The following CACNA1D variants were observed in gnomAD, a reference collection of about 807,000 sequenced individuals.
CACNA1D encodes voltage-dependent L-type calcium channel subunit alpha-1D.
Under a neutral mutation model 257.1 loss-of-function variants are expected in CACNA1D, and 55 were observed. The observed-to-expected ratio is 0.21, with a 90% CI of 0.17 to 0.27. CACNA1D has a LOEUF of 0.27. Ranked by LOEUF, CACNA1D falls within the 10% of genes least tolerant of loss-of-function variation. The pLI is 1.00. For missense variants in CACNA1D, 1,876 were observed against 2,784.0 expected (o/e 0.67, Z 7.34); for synonymous variants, 980 against 1,014.9 (o/e 0.97, Z 0.65).
At chr3:53,704,554 C>T (rs2094665457) in intron 9 of CACNA1D, among the ~76,000 whole-genome samples, 1 of 152,224 alleles carries the variant, frequency 6.6e-6, no homozygotes, top group South Asian at 2.1e-4. Flanking sequence ...GTCCTCTGCA[C>T]AGCTCTCCCC....
chr3:53,566,471 C>G (rs1483021588), intron 3 of CACNA1D, among the ~76,000 whole-genome samples: 1 of 152,156 alleles, frequency 6.6e-6, no homozygotes, highest in Non-Finnish European at 1.5e-5. Context: ...ATAATAGCAC[C>G]CACATTCATC....
chr3:53,744,258 C>A (rs984465251), intron 22 of CACNA1D, among the ~76,000 whole-genome samples: 2 of 150,014 alleles, frequency 1.3e-5, no homozygotes, highest in African/African-American at 4.9e-5. Flanking sequence ...AGGTTGTGCT[C>A]CCCTGGCTGA....
Position 53,810,156 on chromosome 3 carries a change from C to T in CACNA1D, c.6050C>T (p.Pro2017Leu), listed in dbSNP as rs876657749. The change falls in exon 47 of 48, where the codon CCG (proline) becomes CTG (leucine). Residue 2017 changes from proline to leucine, a missense_variant. Pro to Leu is a moderately conservative substitution (Grantham distance 98, BLOSUM62 -3). Around this residue, in one of 10 missense-constraint regions of CACNA1D, gnomAD observed 491 missense variants for 554.3 expected, o/e 0.89. Transcript: ENST00000350061. The stretch of plus-strand genomic sequence containing the variant: ...CTGGACCAGGTGAACGGCAGCCTGC[C>T]GTCCCTGCACCGCAGCTCCTGGTAC... ...EALDQVNGSL[P>L]SLHRSSWYTD... 2.5e-6 allele frequency: 4 copies of T among 1,613,958 alleles called. No homozygotes were observed. Among genetic ancestry groups the T allele is most frequent in the Admixed American group, 1.7e-5 (1 of 60,024 alleles).
At chr3:53,610,795 T>C (rs2093573864) in intron 3 of CACNA1D, among the ~76,000 whole-genome samples, 1 of 152,256 alleles carries the variant, frequency 6.6e-6, no homozygotes, top group African/African-American at 2.4e-5. Context: ...ATCTATTTTA[T>C]ATGTGTCTTC....
chr3:53,767,027 G>A (rs1440738558), intron 30 of CACNA1D, among the ~76,000 whole-genome samples: 1 of 152,114 alleles, frequency 6.6e-6, no homozygotes, highest in Non-Finnish European at 1.5e-5. Context: ...GATGGGGATG[G>A]AGTCTAATCG....
At chr3:53,644,025 A>G (rs1471726445) in intron 3 of CACNA1D, among the ~76,000 whole-genome samples, 2 of 152,354 alleles carry the variant, frequency 1.3e-5, no homozygotes, top group East Asian at 3.9e-4. Context: ...ATTTAATAAT[A>G]GTTGGTCAAA....
At position 53,532,911 on chromosome 3, in the gene CACNA1D, C is replaced by T. The variant is rs558822705; in HGVS notation, c.483+31191C>T. ...GAGGTGCTGGTGCTCTGTCAGGCTCCGGGACCCCTGACTGAACATGCCTAG... is the reference window on the plus strand; with the variant it reads ...GAGGTGCTGGTGCTCTGTCAGGCTCTGGGACCCCTGACTGAACATGCCTAG... On this transcript the variant is annotated intron_variant, in intron 3 of 47. Coordinates refer to ENST00000350061, the MANE Select transcript of CACNA1D (RefSeq NM_001128840.3). 6.4e-4 allele frequency among the ~76,000 whole-genome samples: 98 copies of T among 152,198 alleles called. 1 individual carries two copies. Among genetic ancestry groups the T allele is most frequent in the African/African-American group, 1.7e-3 (72 of 41,534 alleles).
intron 40 of CACNA1D, 131 bp downstream of exon 40, chr3:53,787,083 C>A: frequency 1.1e-6 from 1 of 921,352 alleles, no homozygotes; most frequent in Non-Finnish European, 1.7e-6. Context: ...ATACTACACA[C>A]TCCCCCAAAT....
Position 53,508,386 on chromosome 3 carries a change from A to G in CACNA1D, c.483+6666A>G, listed in dbSNP as rs560932719. On this transcript the variant is annotated intron_variant, in intron 3 of 47. Transcript: ENST00000350061. ...AAGGTTTGTTACATAGGTAAACACA[A>G]GTCGCACAGGTTTGTTGTACATATT... 5.9e-5 allele frequency among the ~76,000 whole-genome samples: 9 copies of G among 152,162 alleles called. No homozygotes were observed. In the South Asian group the frequency reaches 1.9e-3, roughly 32 times the overall value.
intron 8 of CACNA1D, among the ~76,000 whole-genome samples, chr3:53,700,854 T>TTC (rs941945427): frequency 7.9e-5 from 12 of 151,630 alleles, no homozygotes; most frequent in African/African-American, 2.9e-4. Context: ...CTTTTCTTTT[T>TTC]TTTTTCCTTT....
intron 38 of CACNA1D, among the ~76,000 whole-genome samples, chr3:53,780,771 A>G (rs940884445): frequency 1.3e-5 from 2 of 152,190 alleles, no homozygotes; most frequent in African/African-American, 4.8e-5. Context: ...AATGGAGAGC[A>G]GATTGCAACA....
intron 25 of CACNA1D, 78 bp from the exon 26 acceptor site, chr3:53,747,224 G>T: frequency 8.0e-7 from 1 of 1,251,290 alleles, no homozygotes; most frequent in Non-Finnish European, 1.2e-6. Flanking sequence ...GGTTGGATTG[G>T]GGCAGTGTGT....
At position 53,723,109 on chromosome 3, in the gene CACNA1D, C is replaced by T. The variant is rs189371859; in HGVS notation, c.1667-325C>T. Reference sequence around the variant, plus strand: ...TAACCTGATGGTGTCAACGCAGAATCGTAGGCTTTTAGGGCTGGAAGGAGT... The same window carrying T: ...TAACCTGATGGTGTCAACGCAGAATTGTAGGCTTTTAGGGCTGGAAGGAGT... On this transcript the variant is annotated intron_variant, in intron 12 of 47. Coordinates refer to ENST00000350061, the MANE Select transcript of CACNA1D (RefSeq NM_001128840.3). This position sits in a 1 kb window ranked among gnomAD's most constrained non-coding sequence, Gnocchi z 5.6. Among the ~76,000 whole-genome samples the T allele has an allele frequency of 6.6e-5, 10 of 152,220 alleles. No homozygotes were observed. In the East Asian group the frequency reaches 1.7e-3, roughly 26 times the overall value.
chr3:53,551,845 T>A (rs1418187425), intron 3 of CACNA1D, among the ~76,000 whole-genome samples: 1 of 152,206 alleles, frequency 6.6e-6, no homozygotes, highest in East Asian at 1.9e-4. Flanking sequence ...CTGTGTCATT[T>A]CTGTGCAGCA....
At chr3:53,497,050 T>A (rs1352798220) in intron 1 of CACNA1D, 102 bp from the exon 2 acceptor site, 4 of 872,522 alleles carry the variant, frequency 4.6e-6, no homozygotes, top group Non-Finnish European at 7.4e-6. Context: ...TAGGAGTGAA[T>A]GATTCCCCTG....
chr3:53,500,681 A>G (rs2090562895), intron 2 of CACNA1D, among the ~76,000 whole-genome samples: 1 of 152,236 alleles, frequency 6.6e-6, no homozygotes, highest in South Asian at 2.1e-4. Flanking sequence ...AAAACCTTGT[A>G]TTTGGAAAGG....
At chr3:53,716,152 A>T (rs1353662630) in intron 9 of CACNA1D, among the ~76,000 whole-genome samples, 1 of 152,236 alleles carries the variant, frequency 6.6e-6, no homozygotes, top group Non-Finnish European at 1.5e-5. Flanking sequence ...TCAATATTAG[A>T]ACTATGAGAT....
chr3:53,770,332 C>G, intron 31 of CACNA1D, 92 bp from the exon 32 acceptor site: 1 of 1,216,046 alleles, frequency 8.2e-7, no homozygotes. Flanking sequence ...TCAGTTCTTA[C>G]CTCTGTCACC....
At chr3:53,705,776 A>G (rs1282029824) in intron 9 of CACNA1D, among the ~76,000 whole-genome samples, 1 of 152,200 alleles carries the variant, frequency 6.6e-6, no homozygotes, top group Non-Finnish European at 1.5e-5. Context: ...CTCTCTGATC[A>G]CAGACCTCAG....
Sources: allele counts gnomAD v4.1 joint callset (sites outside exome capture counted in the v4.1 genomes callset), GRCh38; gene constraint gnomAD v4.1.1; regional missense constraint gnomAD v4.1.1; non-coding constraint Gnocchi (gnomAD v3.1); transcripts MANE v1.5; gene names NCBI Gene and HGNC (gene_info 2026-07-23, HGNC 2026-07-21).